TAFA5: variants seen among roughly 807,000 people sequenced by gnomAD.
TAFA5 encodes the protein chemokine-like protein TAFA-5.
A neutral mutation model predicts 15.3 loss-of-function variants in TAFA5; 6 were observed. That is an observed-to-expected ratio of 0.39 (90% CI 0.21 to 0.77). The LOEUF (loss-of-function observed/expected upper bound fraction) is 0.77. TAFA5 is among the 30% of genes least tolerant of loss of function. The probability of loss-of-function intolerance (pLI) is 0.41; values close to 1 mark genes in which losing one functional copy is unlikely to be tolerated. For synonymous variants in TAFA5, 103 were observed against 80.7 expected (o/e 1.28, Z -1.48); for missense variants, 161 against 193.1 (o/e 0.83, Z 0.98).
At chr22:48,686,471 C>G (rs892574418) in intron 2 of TAFA5, among the ~76,000 whole-genome samples, 1 of 152,232 alleles carries the variant, frequency 6.6e-6, no homozygotes, top group Non-Finnish European at 1.5e-5. Flanking sequence ...GAGGGCTCCA[C>G]TCTTATGGCC....
In TAFA5 at chr22:48,745,983, G is replaced by T. The variant is rs542044418; in HGVS notation, c.391-3856G>T. On this transcript the variant is annotated intron_variant, in intron 3 of 3. Coordinates refer to ENST00000402357, the MANE Select transcript of TAFA5 (RefSeq NM_001082967.3). Reference sequence around the variant, plus strand: ...AGACCCGCAGGGGCACACTGTCCCGGGGAGAGAGGTGTGTGAGCTGCACAC... The same window carrying T: ...AGACCCGCAGGGGCACACTGTCCCGTGGAGAGAGGTGTGTGAGCTGCACAC... Among the ~76,000 whole-genome samples the T allele has an allele frequency of 2.0e-5, 3 of 152,306 alleles. No individual in the cohort carries two copies. The East Asian group carries it at 5.8e-4, about 30-fold the overall frequency.
chr22:48,593,132 C>T (rs1013175153), intron 1 of TAFA5, among the ~76,000 whole-genome samples: 8 of 152,178 alleles, frequency 5.3e-5, no homozygotes, highest in Non-Finnish European at 8.8e-5. Flanking sequence ...GTCACGTCCG[C>T]GAACAGTGTC....
At chr22:48,585,901 ACAT>A (rs1180288652) in intron 1 of TAFA5, among the ~76,000 whole-genome samples, 14 of 152,114 alleles carry the variant, frequency 9.2e-5, no homozygotes, top group Non-Finnish European at 2.1e-4. Context: ...ACACAGCCAA[ACAT>A]CATAAACACA....
At position 48,644,132 on chromosome 22, in the gene TAFA5, T is replaced by C. The variant is rs1449794902; in HGVS notation, c.113-2465T>C. Among the ~76,000 whole-genome samples the C allele has an allele frequency of 3.3e-5, 5 of 152,334 alleles. No homozygotes were observed. The East Asian group carries it at 7.7e-4, about 24-fold the overall frequency. On this transcript the variant is annotated intron_variant, in intron 1 of 3. Transcript: ENST00000402357. ...TTCATCCACTTCTTCTCTTGCTCAT[T>C]TGGTGTCGCCCTTTTCTGGGAGCAG...
chr22:48,587,037 C>T (rs919870634), intron 1 of TAFA5, among the ~76,000 whole-genome samples: 10 of 151,916 alleles, frequency 6.6e-5, no homozygotes, highest in African/African-American at 1.7e-4. Flanking sequence ...GAGCCAGGCC[C>T]GTGCTGTCAG....
chr22:48,703,624 G>A (rs1471440237), intron 2 of TAFA5, among the ~76,000 whole-genome samples: 4 of 152,218 alleles, frequency 2.6e-5, no homozygotes, highest in African/African-American at 4.8e-5. Flanking sequence ...AGTGCGCTGT[G>A]GCCTGCGCCG....
chr22:48,649,784 G>T (rs1189491167), intron 2 of TAFA5, among the ~76,000 whole-genome samples: 2 of 152,134 alleles, frequency 1.3e-5, no homozygotes, highest in South Asian at 2.1e-4. Flanking sequence ...GGGGAGAGCG[G>T]TGCCCTGCAC....
At chr22:48,578,596 G>A (rs2062199750) in intron 1 of TAFA5, among the ~76,000 whole-genome samples, 1 of 152,204 alleles carries the variant, frequency 6.6e-6, no homozygotes, top group South Asian at 2.1e-4. Context: ...GATGAGGATG[G>A]GGTCAGCTGT....
chr22:48,604,675 TGTG>T (rs1925095238), intron 1 of TAFA5, among the ~76,000 whole-genome samples: 1 of 152,198 alleles, frequency 6.6e-6, no homozygotes, highest in African/African-American at 2.4e-5. Context: ...CCAGCTAGCT[TGTG>T]GTGCCCTTCT....
chr22:48,649,852 G>A (rs779869361), intron 2 of TAFA5, among the ~76,000 whole-genome samples: 1 of 152,108 alleles, frequency 6.6e-6, no homozygotes, highest in Non-Finnish European at 1.5e-5. Flanking sequence ...CCCGCCTATC[G>A]GCAGAGTTGG....
chr22:48,536,911 G>A (rs1215494732), intron 1 of TAFA5, among the ~76,000 whole-genome samples: 1 of 152,190 alleles, frequency 6.6e-6, no homozygotes, highest in Admixed American at 6.5e-5. Context: ...CTGGGCGATG[G>A]CAGCGGGGCC....
At chr22:48,494,778 C>A (rs185598170) in intron 1 of TAFA5, among the ~76,000 whole-genome samples, 2 of 152,222 alleles carry the variant, frequency 1.3e-5, no homozygotes, top group Non-Finnish European at 2.9e-5. Context: ...GCACAAGCTG[C>A]CTCGGTGCTG....
At chr22:48,618,874 A>G (rs776928156) in intron 1 of TAFA5, among the ~76,000 whole-genome samples, 3 of 152,126 alleles carry the variant, frequency 2.0e-5, no homozygotes, top group Non-Finnish European at 4.4e-5. Flanking sequence ...TGGGTTCCCC[A>G]TAGGCCCCCC....
At chr22:48,528,280 G>A (rs955000328) in intron 1 of TAFA5, among the ~76,000 whole-genome samples, 5 of 152,226 alleles carry the variant, frequency 3.3e-5, no homozygotes, top group Non-Finnish European at 1.5e-5. Flanking sequence ...CAGAGTTGCG[G>A]TGAGGACTCC....
At chr22:48,627,269 T>C (rs1926055803) in intron 1 of TAFA5, among the ~76,000 whole-genome samples, 1 of 152,216 alleles carries the variant, frequency 6.6e-6, no homozygotes. Context: ...GACAGGAAAG[T>C]CTGCAGTAAG....
intron 2 of TAFA5, among the ~76,000 whole-genome samples, chr22:48,695,610 C>T (rs971260787): frequency 1.3e-5 from 2 of 152,186 alleles, no homozygotes; most frequent in African/African-American, 4.8e-5. Flanking sequence ...CCAGCATGTT[C>T]CTCCCTGTGA....
intron 1 of TAFA5, among the ~76,000 whole-genome samples, chr22:48,625,427 C>T (rs1461625469): frequency 6.6e-6 from 1 of 152,266 alleles, no homozygotes; most frequent in Admixed American, 6.5e-5. Flanking sequence ...AACTGGCCCC[C>T]ACTGGCCATG....
chr22:48,624,415 G>T (rs1925955848), intron 1 of TAFA5, among the ~76,000 whole-genome samples: 3 of 152,194 alleles, frequency 2.0e-5, no homozygotes, highest in African/African-American at 2.4e-5. Flanking sequence ...ATGGAGTGGG[G>T]GAGGGACAGG....
At chr22:48,685,426 A>G (rs542921021) in intron 2 of TAFA5, among the ~76,000 whole-genome samples, 25 of 152,224 alleles carry the variant, frequency 1.6e-4, no homozygotes, top group Admixed American at 3.3e-4. Flanking sequence ...CCATTTCAAA[A>G]TATGTCAGAG....
Sources: allele counts gnomAD v4.1 joint callset (sites outside exome capture counted in the v4.1 genomes callset), GRCh38; gene constraint gnomAD v4.1.1; transcripts MANE v1.5; gene names NCBI Gene and HGNC (gene_info 2026-07-23, HGNC 2026-07-21).